Variants in SCAMP2 observed in about 807,000 individuals in gnomAD.
SCAMP2 encodes secretory carrier membrane protein 2, also known as secretory carrier-associated membrane protein 2.
Under a neutral mutation model 44.1 loss-of-function variants are expected in SCAMP2, and 25 were observed. That is an observed-to-expected ratio of 0.57 (90% CI 0.41 to 0.79). SCAMP2 has a LOEUF of 0.79. SCAMP2 is among the 30% of genes least tolerant of loss of function. The pLI, the probability that SCAMP2 is intolerant of heterozygous loss-of-function variation, is 0.00. For missense variants in SCAMP2, 355 were observed against 411.0 expected (o/e 0.86, Z 1.18); for synonymous variants, 156 against 166.0 (o/e 0.94, Z 0.46).
intron 6 of SCAMP2, among the ~76,000 whole-genome samples, chr15:74,849,797 A>G (rs1197349840): frequency 6.6e-6 from 1 of 152,126 alleles, no homozygotes; most frequent in Non-Finnish European, 1.5e-5. Flanking sequence ...CAATGAGAAA[A>G]AAACAAAACC....
In SCAMP2 at chr15:74,873,262, C is replaced by T; in HGVS notation, c.-7G>A. The T allele has an allele frequency of 6.8e-7, 1 of 1,478,408 alleles. No individual in the cohort carries two copies. 91.6% of individuals were successfully genotyped at this position (1,478,408 alleles called of 1,614,324 possible). On this transcript the variant is annotated 5_prime_UTR_variant, in exon 1 of 9. Coordinates refer to ENST00000268099, the MANE Select transcript of SCAMP2 (RefSeq NM_005697.5). Reference sequence around the variant, plus strand: ...TGGTGTCGAAAGCCGACATGGTGATCGGGGGCCAGCGGGCGAACTCCGCGA... The same window carrying T: ...TGGTGTCGAAAGCCGACATGGTGATTGGGGGCCAGCGGGCGAACTCCGCGA...
At chr15:74,851,563 T>C in intron 4 of SCAMP2, 82 bp from the exon 5 acceptor site, 1 of 1,570,402 alleles carries the variant, frequency 6.4e-7, no homozygotes, top group Non-Finnish European at 8.7e-7. Flanking sequence ...GCATAGTGTA[T>C]GGGCCAAACC....
intron 7 of SCAMP2, 105 bp downstream of exon 7, chr15:74,848,495 G>GGAA: frequency 1.4e-6 from 1 of 715,714 alleles, no homozygotes. Flanking sequence ...CCCGCCATGG[G>GGAA]AAAAGCAGGG....
At position 74,844,853 on chromosome 15, in the gene SCAMP2, A is replaced by G; in HGVS notation, c.*230T>C. 1 of 502,160 alleles carries G rather than the reference A, an allele frequency of 2.0e-6. No individual in the cohort carries two copies. Among genetic ancestry groups the G allele is most frequent in the Non-Finnish European group, 3.6e-6 (1 of 280,638 alleles). The allele number at this position is 502,160 out of a possible 1,614,324, so 31.1% of individuals were successfully genotyped here. A position where few individuals can be genotyped will look rare whatever the true frequency, so the allele number is the denominator to read the frequency against. On this transcript the variant is annotated 3_prime_UTR_variant, in exon 9 of 9. Coordinates refer to ENST00000268099, the MANE Select transcript of SCAMP2 (RefSeq NM_005697.5). ...AGAGACAAAAGAATCCTACCAAACC[A>G]TCACCAGAGAAGGAAAGAGAGCTTT...
intron 1 of SCAMP2, among the ~76,000 whole-genome samples, chr15:74,866,430 G>A (rs1470899766): frequency 6.6e-6 from 1 of 152,034 alleles, no homozygotes; most frequent in African/African-American, 2.4e-5. Flanking sequence ...CTGTTTTCTG[G>A]CCGGGCGTGG....
intron 1 of SCAMP2, among the ~76,000 whole-genome samples, chr15:74,872,285 C>G (rs1204889557): frequency 2.0e-5 from 3 of 151,836 alleles, no homozygotes; most frequent in Non-Finnish European, 4.4e-5. Context: ...TGGTGGCATA[C>G]GCCTGTAGTC....
chr15:74,849,117 A>G (rs545151492), intron 6 of SCAMP2, among the ~76,000 whole-genome samples: 3 of 152,302 alleles, frequency 2.0e-5, no homozygotes, highest in African/African-American at 7.2e-5. Context: ...CTTGCGTTTC[A>G]TAACAGGCAA....
At chr15:74,846,019 G>A (rs1189629237) in intron 7 of SCAMP2, among the ~76,000 whole-genome samples, 3 of 151,934 alleles carry the variant, frequency 2.0e-5, no homozygotes, top group African/African-American at 7.2e-5. Flanking sequence ...GGCCAGGTTC[G>A]TGCCTGTAAT....
intron 6 of SCAMP2, among the ~76,000 whole-genome samples, chr15:74,849,969 C>T (rs1236517819): frequency 6.6e-6 from 1 of 152,196 alleles, no homozygotes; most frequent in Non-Finnish European, 1.5e-5. Flanking sequence ...CTACCCTAAT[C>T]CCTCTTCCCA....
chr15:74,873,112 A>G, intron 1 of SCAMP2, 87 bp downstream of exon 1: 1 of 1,200,268 alleles, frequency 8.3e-7, no homozygotes, highest in Non-Finnish European at 1.1e-6. Flanking sequence ...CTCCTACGCC[A>G]CGTCTCCCGG....
chr15:74,852,382 C>G, intron 3 of SCAMP2, 196 bp from the exon 4 acceptor site: 4 of 410,024 alleles, frequency 9.8e-6, no homozygotes, highest in Non-Finnish European at 1.7e-5. Context: ...CCACTGCCCC[C>G]ACACCTTCCT....
At chr15:74,850,949 G>A (rs1171748543) in intron 5 of SCAMP2, among the ~76,000 whole-genome samples, 1 of 152,218 alleles carries the variant, frequency 6.6e-6, no homozygotes, top group Non-Finnish European at 1.5e-5. Context: ...GGTCCTTGGG[G>A]AAGGAAGTCT....
In SCAMP2 at chr15:74,844,203, A is replaced by AGGGGGG. The variant is rs375483317; in HGVS notation, c.*874_*879dup. 3.0e-5 allele frequency: 2 copies of AGGGGGG among 67,056 alleles called. No homozygotes were observed. Among genetic ancestry groups the AGGGGGG allele is most frequent in the South Asian group, 4.7e-4 (1 of 2,140 alleles). The allele number at this position is 67,056 out of a possible 1,614,324, so 4.2% of individuals were successfully genotyped here. A position where few individuals can be genotyped will look rare whatever the true frequency, so the allele number is the denominator to read the frequency against. ...AAGGCAGCCGTCCCTCGGTTCGGGG[A>AGGGGGG]GGGGGGGGGGTAGTCACAGCAAACA... On this transcript the variant is annotated 3_prime_UTR_variant, in exon 9 of 9. Coordinates refer to ENST00000268099, the MANE Select transcript of SCAMP2 (RefSeq NM_005697.5).
In SCAMP2 at chr15:74,848,628, A is replaced by G. The variant is rs748202178; in HGVS notation, c.706T>C (p.Leu236=). Residue 236 remains leucine, a synonymous_variant, in exon 7 of 9, where the codon TTG becomes CTG. Coordinates refer to ENST00000268099, the MANE Select transcript of SCAMP2 (RefSeq NM_005697.5). The part of the protein sequence containing the change: ...FCQIGIYIIQ[L]VGIPGLGDSG... Reference sequence around the variant, plus strand: ...TCCCCCAGGCCAGGGATGCCAACCAACTGGATGATGTAGATCCCTATTTGA... The same window carrying G: ...TCCCCCAGGCCAGGGATGCCAACCAGCTGGATGATGTAGATCCCTATTTGA... 7.1e-5 allele frequency: 115 copies of G among 1,613,078 alleles called. 2 individuals are homozygous for G. The South Asian group carries it at 1.2e-3, about 16-fold the overall frequency.
At chr15:74,871,361 G>A (rs1017252884) in intron 1 of SCAMP2, among the ~76,000 whole-genome samples, 5 of 151,240 alleles carry the variant, frequency 3.3e-5, no homozygotes, top group Non-Finnish European at 5.9e-5. Context: ...GGAGACTGAG[G>A]TGGGATTCAA....
Position 74,852,447 on chromosome 15 carries a change from G to A in SCAMP2, c.226-261C>T, listed in dbSNP as rs1377951448. The A allele has an allele frequency of 2.9e-5, 10 of 349,208 alleles. 1 individual carries two copies. In the East Asian group the frequency reaches 4.3e-4, roughly 15 times the overall value. The allele number at this position is 349,208 out of a possible 1,614,324, so 21.6% of individuals were successfully genotyped here. A position where few individuals can be genotyped will look rare whatever the true frequency, so the allele number is the denominator to read the frequency against. On this transcript the variant is annotated intron_variant, in intron 3 of 8. Coordinates refer to ENST00000268099, the MANE Select transcript of SCAMP2 (RefSeq NM_005697.5). The stretch of plus-strand genomic sequence containing the variant: ...TCCCCTCATCCCTAAGCTTGAGTTG[G>A]GAAAACTACCCCCATTGGCTTCTCC...
chr15:74,845,839 T>C (rs2064395649), intron 7 of SCAMP2, among the ~76,000 whole-genome samples: 1 of 152,184 alleles, frequency 6.6e-6, no homozygotes, highest in South Asian at 2.1e-4. Flanking sequence ...AAAGGGAGGA[T>C]GTGGTTGCTG....
chr15:74,866,446 C>T (rs1567255608), intron 1 of SCAMP2, among the ~76,000 whole-genome samples: 1 of 152,046 alleles, frequency 6.6e-6, no homozygotes, highest in Non-Finnish European at 1.5e-5. Context: ...CGTGGTGGCT[C>T]ACACCTGTAA....
At chr15:74,864,370 T>G (rs2064528691) in intron 1 of SCAMP2, among the ~76,000 whole-genome samples, 1 of 152,140 alleles carries the variant, frequency 6.6e-6, no homozygotes, top group African/African-American at 2.4e-5. Context: ...CGAGAATCTT[T>G]AAAAAGAGCT....
Sources: gnomAD v4.1 joint callset for allele counts (sites outside exome capture counted in the v4.1 genomes callset) on GRCh38, gnomAD v4.1.1 for gene constraint, MANE v1.5 for transcripts, NCBI Gene and HGNC (gene_info 2026-07-23, HGNC 2026-07-21) for gene names.